The following TDRD10 variants were observed in gnomAD, a reference collection of about 807,000 sequenced individuals.
TDRD10 encodes tudor domain containing 10.
A neutral mutation model predicts 48.0 loss-of-function variants in TDRD10; 40 were observed. That is an observed-to-expected ratio of 0.83 (90% confidence interval 0.65 to 1.09). The LOEUF is 1.09. Among genes scored for constraint, TDRD10 ranks in the 50% least tolerant of loss-of-function variants. TDRD10 has a pLI of 0.00. For missense variants in TDRD10, 378 were observed against 434.7 expected (o/e 0.87, Z 1.16); for synonymous variants, 162 against 170.4 (o/e 0.95, Z 0.38).
chr1:154,520,504 G>A (rs563369546), intron 5 of TDRD10, 130 bp downstream of exon 5: 2 of 681,282 alleles, frequency 2.9e-6, no homozygotes, highest in East Asian at 2.7e-5. Flanking sequence ...CTTGGCAAAG[G>A]AACATTTGGG....
At chr1:154,515,983 C>T (rs1693742266) in intron 4 of TDRD10, among the ~76,000 whole-genome samples, 1 of 152,162 alleles carries the variant, frequency 6.6e-6, no homozygotes, top group African/African-American at 2.4e-5. Context: ...TCCAGAAGTG[C>T]TGGGATTACA....
chr1:154,524,732 G>T lies in TDRD10; in HGVS notation c.369+3253G>T, dbSNP rs535057237. Among the ~76,000 whole-genome samples the T allele has an allele frequency of 4.6e-5, 7 of 152,214 alleles. No homozygotes were observed. In the South Asian group the frequency reaches 1.5e-3, roughly 32 times the overall value. On this transcript the variant is annotated intron_variant, in intron 6 of 12. Coordinates refer to ENST00000368482, the MANE Select transcript of TDRD10 (RefSeq NM_182499.4). ...GTGAGTGCTCCGGGTGCTTGCCAAG[G>T]TCTGTCCCCCTTGCTGGGTTGGAAC...
chr1:154,546,964 G>A (rs1695628001), intron 11 of TDRD10, among the ~76,000 whole-genome samples: 1 of 152,102 alleles, frequency 6.6e-6, no homozygotes, highest in Non-Finnish European at 1.5e-5. Context: ...CGTGAGGGAC[G>A]ACATCCTGGG....
chr1:154,544,229 T>C (rs1695421234), intron 9 of TDRD10, 119 bp downstream of exon 9: 1 of 1,556,918 alleles, frequency 6.4e-7, no homozygotes. Flanking sequence ...GGTCTGATCC[T>C]GGGTTCAGTC....
chr1:154,513,788 G>A (rs907464550), intron 4 of TDRD10, among the ~76,000 whole-genome samples: 2 of 152,168 alleles, frequency 1.3e-5, no homozygotes, highest in Non-Finnish European at 2.9e-5. Flanking sequence ...AAATAATGCC[G>A]CCATAAAGCA....
chr1:154,542,148 CCCTT>C, intron 7 of TDRD10, 82 bp downstream of exon 7: 1 of 1,437,372 alleles, frequency 7.0e-7, no homozygotes, highest in Non-Finnish European at 9.7e-7. Flanking sequence ...TCTGCAGCCT[CCCTT>C]CCAGCTCAGT....
intron 6 of TDRD10, among the ~76,000 whole-genome samples, chr1:154,526,674 C>CA (rs1694334303): frequency 6.6e-6 from 1 of 152,030 alleles, no homozygotes; most frequent in East Asian, 1.9e-4. Context: ...AGGCTGATCT[C>CA]AAACTCCTGA....
At chr1:154,514,175 G>A (rs113099666) in intron 4 of TDRD10, among the ~76,000 whole-genome samples, 2 of 152,248 alleles carry the variant, frequency 1.3e-5, no homozygotes, top group African/African-American at 4.8e-5. Context: ...GGGTGACAAA[G>A]CAAGACTCTG....
chr1:154,520,471 C>T (rs1455590396), intron 5 of TDRD10, 97 bp downstream of exon 5: 11 of 915,490 alleles, frequency 1.2e-5, no homozygotes, highest in East Asian at 7.3e-5. Flanking sequence ...GCCCAGCAAC[C>T]GCCACGTCCA....
At chr1:154,525,594 T>C (rs889139357) in intron 6 of TDRD10, among the ~76,000 whole-genome samples, 2 of 151,964 alleles carry the variant, frequency 1.3e-5, no homozygotes, top group African/African-American at 4.8e-5. Context: ...AAAATCCAAA[T>C]AGGAAGTAGA....
intron 4 of TDRD10, among the ~76,000 whole-genome samples, chr1:154,510,933 C>T (rs923949333): frequency 2.6e-5 from 4 of 151,240 alleles, no homozygotes; most frequent in African/African-American, 9.7e-5. Flanking sequence ...GTAGTCCCAG[C>T]TACTCGGGAG....
At chr1:154,509,230 G>C (rs770300201) in intron 4 of TDRD10, among the ~76,000 whole-genome samples, 3 of 151,166 alleles carry the variant, frequency 2.0e-5, no homozygotes, top group African/African-American at 7.3e-5. Flanking sequence ...ACTAACCTTT[G>C]TGGAACCCCT....
chr1:154,538,753 T>C (rs183760153), intron 6 of TDRD10, among the ~76,000 whole-genome samples: 223 of 144,766 alleles, frequency 1.5e-3, no homozygotes, highest in African/African-American at 5.2e-3. Flanking sequence ...CTCGGGAGGC[T>C]GAGGCAGGAG....
At chr1:154,506,124 G>T (rs12119111) in intron 1 of TDRD10, among the ~76,000 whole-genome samples, 1 of 151,876 alleles carries the variant, frequency 6.6e-6, no homozygotes, top group Non-Finnish European at 1.5e-5. Context: ...GTTAAACAAC[G>T]CAAATATTAT....
At chr1:154,517,433 T>G (rs1693831010) in intron 4 of TDRD10, among the ~76,000 whole-genome samples, 2 of 151,818 alleles carry the variant, frequency 1.3e-5, no homozygotes, top group South Asian at 4.2e-4. Flanking sequence ...TTTTTTTTTT[T>G]TTTTTGAGAC....
intron 6 of TDRD10, among the ~76,000 whole-genome samples, chr1:154,534,812 C>T (rs941475077): frequency 4.6e-5 from 7 of 151,874 alleles, no homozygotes; most frequent in Admixed American, 6.6e-5. Flanking sequence ...GATAAGCTTA[C>T]GTGGCACAAC....
At chr1:154,528,010 A>G (rs1197939020) in intron 6 of TDRD10, among the ~76,000 whole-genome samples, 2 of 152,190 alleles carry the variant, frequency 1.3e-5, no homozygotes, top group Non-Finnish European at 2.9e-5. Flanking sequence ...CCCAGTCCAG[A>G]TACAGAACAT....
intron 6 of TDRD10, among the ~76,000 whole-genome samples, chr1:154,532,887 A>G (rs1295242837): frequency 2.0e-5 from 3 of 152,116 alleles, no homozygotes; most frequent in Non-Finnish European, 4.4e-5. Flanking sequence ...TGCCAGTTCT[A>G]GTTTGTGGTC....
At chr1:154,546,490 A>G (rs1029255520) in intron 11 of TDRD10, among the ~76,000 whole-genome samples, 3 of 145,484 alleles carry the variant, frequency 2.1e-5, no homozygotes, top group Non-Finnish European at 3.0e-5. Context: ...AATACGTGAT[A>G]TATATAATAT....
Sources: allele counts gnomAD v4.1 joint callset (sites outside exome capture counted in the v4.1 genomes callset), GRCh38; gene constraint gnomAD v4.1.1; transcripts MANE v1.5; gene names NCBI Gene and HGNC (gene_info 2026-07-23, HGNC 2026-07-21).